The following GPC6 variants were observed in gnomAD, a reference collection of about 807,000 sequenced individuals.
GPC6 encodes the protein glypican-6.
GPC6 carries 14 observed loss-of-function variants against 55.2 expected under a neutral mutation model. That is an observed-to-expected ratio of 0.25 (90% CI 0.17 to 0.40). The LOEUF (loss-of-function observed/expected upper bound fraction) is 0.40. Among genes scored for constraint, GPC6 ranks in the 10% least tolerant of loss-of-function variants. GPC6 has a pLI of 1.00. For missense variants in GPC6, 641 were observed against 708.5 expected (o/e 0.90, Z 1.08); for synonymous variants, 278 against 259.6 (o/e 1.07, Z -0.68).
intron 5 of GPC6, among the ~76,000 whole-genome samples, chr13:94,287,708 A>G (rs79172454): frequency 0.038 from 5,803 of 152,248 alleles, 229 homozygotes; most frequent in East Asian, 0.17. Flanking sequence ...TGGGGTTTCC[A>G]TGAAAGGCCA....
At chr13:93,607,525 A>ATT (rs1878285876) in intron 2 of GPC6, among the ~76,000 whole-genome samples, 1 of 152,118 alleles carries the variant, frequency 6.6e-6, no homozygotes, top group African/African-American at 2.4e-5. Flanking sequence ...CCTTCCTTGT[A>ATT]TTCCTGCAGC....
intron 3 of GPC6, among the ~76,000 whole-genome samples, chr13:93,905,679 C>T (rs1876626592): frequency 6.6e-6 from 1 of 152,126 alleles, no homozygotes; most frequent in African/African-American, 2.4e-5. Flanking sequence ...CTGGCAAAAG[C>T]AAATAAATTG....
At chr13:93,990,510 G>T (rs1375870643) in intron 3 of GPC6, among the ~76,000 whole-genome samples, 1 of 151,962 alleles carries the variant, frequency 6.6e-6, no homozygotes, top group African/African-American at 2.4e-5. Context: ...GGTACTATTT[G>T]CATATCGTTC....
intron 4 of GPC6, among the ~76,000 whole-genome samples, chr13:94,264,522 G>T (rs1368040536): frequency 6.6e-6 from 1 of 152,152 alleles, no homozygotes; most frequent in East Asian, 1.9e-4. Context: ...TATTTGCTAT[G>T]CATTAGATGT....
chr13:93,454,042 T>C (rs867111722), intron 1 of GPC6, among the ~76,000 whole-genome samples: 17 of 146,046 alleles, frequency 1.2e-4, no homozygotes, highest in Non-Finnish European at 4.4e-5. Context: ...AGGTTCTCCG[T>C]GTCCCCACCA....
intron 1 of GPC6, among the ~76,000 whole-genome samples, chr13:93,346,243 T>C (rs546643856): frequency 6.6e-6 from 1 of 152,326 alleles, no homozygotes; most frequent in South Asian, 2.1e-4. Context: ...TTTACATTCA[T>C]GCACTTCTTT....
chr13:93,584,918 G>C (rs766924447), intron 2 of GPC6, among the ~76,000 whole-genome samples: 8 of 151,890 alleles, frequency 5.3e-5, no homozygotes, highest in Non-Finnish European at 8.8e-5. Context: ...TTGAACTCCT[G>C]GACTCAAGGG....
chr13:93,399,380 C>T (rs1485554616), intron 1 of GPC6, among the ~76,000 whole-genome samples: 1 of 152,218 alleles, frequency 6.6e-6, no homozygotes, highest in Non-Finnish European at 1.5e-5. Context: ...TTTGTTTCCC[C>T]TATGACCCAG....
At chr13:94,105,157 C>G (rs1886007241) in intron 4 of GPC6, among the ~76,000 whole-genome samples, 1 of 152,028 alleles carries the variant, frequency 6.6e-6, no homozygotes. Context: ...GAGTTCAAGA[C>G]CAGCCTAGGC....
chr13:93,543,650 G>C (rs1025776467), intron 1 of GPC6, among the ~76,000 whole-genome samples: 1 of 152,086 alleles, frequency 6.6e-6, no homozygotes, highest in Non-Finnish European at 1.5e-5. Flanking sequence ...AATCCATCGG[G>C]ATATCATCCT....
At chr13:93,457,581 T>G (rs540984020) in intron 1 of GPC6, among the ~76,000 whole-genome samples, 41 of 152,322 alleles carry the variant, frequency 2.7e-4, no homozygotes, top group South Asian at 8.3e-4. Flanking sequence ...AGCCTTCATG[T>G]AGCATCTGCT....
chr13:93,764,920 C>A (rs1451457696), intron 2 of GPC6, among the ~76,000 whole-genome samples: 1 of 152,140 alleles, frequency 6.6e-6, no homozygotes, highest in Non-Finnish European at 1.5e-5. Flanking sequence ...CTGCCTCAGC[C>A]TCCCGAGTAG....
chr13:93,950,588 C>T (rs1422871729), intron 3 of GPC6, among the ~76,000 whole-genome samples: 1 of 152,166 alleles, frequency 6.6e-6, no homozygotes, highest in Non-Finnish European at 1.5e-5. Flanking sequence ...GTCACAATTG[C>T]TCCGTCTGAT....
chr13:93,650,648 C>T (rs575101966), intron 2 of GPC6, among the ~76,000 whole-genome samples: 1 of 152,252 alleles, frequency 6.6e-6, no homozygotes, highest in East Asian at 1.9e-4. Context: ...TGATCAAGGC[C>T]ATTTTCCATG....
chr13:94,257,436 T>C (rs1891538798), intron 4 of GPC6, among the ~76,000 whole-genome samples: 1 of 152,200 alleles, frequency 6.6e-6, no homozygotes, highest in Admixed American at 6.5e-5. Context: ...ACAGTGCTTG[T>C]CCATACTTTG....
At chr13:93,927,916 C>A (rs192976093) in intron 3 of GPC6, among the ~76,000 whole-genome samples, 1 of 151,956 alleles carries the variant, frequency 6.6e-6, no homozygotes, top group South Asian at 2.1e-4. Flanking sequence ...AACTGAAAAT[C>A]GAGGGGATGA....
chr13:93,368,245 T>C (rs1329426615), intron 1 of GPC6, among the ~76,000 whole-genome samples: 2 of 151,480 alleles, frequency 1.3e-5, no homozygotes, highest in Non-Finnish European at 2.9e-5. Flanking sequence ...CCTCCGTCCC[T>C]CCCTACTCCT....
Position 93,952,798 on chromosome 13 carries a change from GAT to G in GPC6, c.712-74927_712-74926del, listed in dbSNP as rs1879311558. Among the ~76,000 whole-genome samples the G allele has an allele frequency of 2.7e-5, 4 of 147,038 alleles. No homozygotes were observed. The Admixed American group carries it at 2.8e-4, about 10-fold the overall frequency. On this transcript the variant is annotated intron_variant, in intron 3 of 8. Coordinates refer to ENST00000377047, the MANE Select transcript of GPC6 (RefSeq NM_005708.5). ...GTGGGTGTGTATATATGTGTATTGA[GAT>G]ATAGGTATACACACACACACATATA... is the stretch of plus-strand genomic sequence containing the variant.
chr13:93,856,640 T>C (rs1888621465), intron 3 of GPC6, among the ~76,000 whole-genome samples: 1 of 151,680 alleles, frequency 6.6e-6, no homozygotes, highest in Non-Finnish European at 1.5e-5. Context: ...ATGCCTGAAC[T>C]AATTTTGCAA....
Sources: allele counts gnomAD v4.1 joint callset (sites outside exome capture counted in the v4.1 genomes callset), GRCh38; gene constraint gnomAD v4.1.1; transcripts MANE v1.5; gene names NCBI Gene and HGNC (gene_info 2026-07-23, HGNC 2026-07-21).